The following ROR2 variants were observed in gnomAD, a reference collection of about 807,000 sequenced individuals.
The protein encoded by ROR2 is tyrosine-protein kinase transmembrane receptor ROR2.
In ROR2, 33 loss-of-function variants were observed where a neutral mutation model predicts 74.9. The ratio of observed to expected loss-of-function variants is 0.44; its 90% confidence interval spans 0.33 to 0.59. ROR2 has a LOEUF of 0.59. ROR2 is among the 20% of genes least tolerant of loss of function. ROR2 has a pLI of 0.02. For missense variants in ROR2, 1,216 were observed against 1,313.8 expected (o/e 0.93, Z 1.15); for synonymous variants, 586 against 558.7 (o/e 1.05, Z -0.69).
chr9:91,765,364 T>C, intron 2 of ROR2, among the ~76,000 whole-genome samples: 1 of 152,226 alleles, frequency 6.6e-6, no homozygotes, highest in East Asian at 1.9e-4. Flanking sequence ...CTTTCATCTT[T>C]AATCCTTCTG....
At chr9:91,920,294 C>A (rs1831230849) in intron 1 of ROR2, among the ~76,000 whole-genome samples, 1 of 152,024 alleles carries the variant, frequency 6.6e-6, no homozygotes. Context: ...TCACTAGAGC[C>A]CAGGAGTTAA....
At chr9:91,823,902 C>A (rs1369132549) in intron 1 of ROR2, among the ~76,000 whole-genome samples, 1 of 152,238 alleles carries the variant, frequency 6.6e-6, no homozygotes, top group Non-Finnish European at 1.5e-5. Flanking sequence ...AATACACAAT[C>A]TCTGCCGGAT....
At chr9:91,901,526 G>A (rs1041259865) in intron 1 of ROR2, among the ~76,000 whole-genome samples, 2 of 152,074 alleles carry the variant, frequency 1.3e-5, no homozygotes, top group African/African-American at 4.8e-5. Flanking sequence ...AAAAATAAAA[G>A]TGCTCTGGGA....
At position 91,724,634 on chromosome 9, in the gene ROR2, A is replaced by G. The variant is rs530761262; in HGVS notation, c.1860T>C (p.Asn620=). The G allele has an allele frequency of 2.2e-4, 354 of 1,614,192 alleles. 10 individuals carry two copies. The South Asian group carries it at 3.6e-3, about 17-fold the overall frequency. The change falls in exon 9 of 9, where the codon AAT becomes AAC. Residue 620 remains asparagine (N), a synonymous_variant. Transcript: ENST00000375708. ...CGTTCAGCTTGTCGTACACTAGCAC[A>G]TTGCGGGTGGCCAGGTCCTTGTGAA... ...HVVHKDLATR[N]VLVYDKLNVK... is the part of the protein sequence containing the mutation.
At chr9:91,816,624 G>A (rs73513297) in intron 1 of ROR2, among the ~76,000 whole-genome samples, 3,029 of 150,460 alleles carry the variant, frequency 0.02, 102 homozygotes, top group African/African-American at 0.07. Flanking sequence ...ACAGCTCCCC[G>A]CTGTGGTATG....
chr9:91,851,925 G>A (rs1262368553), intron 1 of ROR2, among the ~76,000 whole-genome samples: 3 of 150,354 alleles, frequency 2.0e-5, no homozygotes, highest in Admixed American at 6.6e-5. Context: ...GCAGTGAGCC[G>A]AGATGGCACC....
intron 4 of ROR2, among the ~76,000 whole-genome samples, chr9:91,746,891 G>T (rs913302721): frequency 1.9e-4 from 28 of 143,906 alleles, no homozygotes; most frequent in African/African-American, 6.6e-4. Context: ...TGTGTGTGTA[G>T]CACAATATGC....
At chr9:91,930,428 T>C (rs1231909308) in intron 1 of ROR2, among the ~76,000 whole-genome samples, 1 of 152,144 alleles carries the variant, frequency 6.6e-6, no homozygotes, top group Non-Finnish European at 1.5e-5. Context: ...CTGCAGCCAA[T>C]AGGAGAAGGA....
chr9:91,945,803 A>G (rs1254438075), intron 1 of ROR2, among the ~76,000 whole-genome samples: 1 of 152,236 alleles, frequency 6.6e-6, no homozygotes, highest in Non-Finnish European at 1.5e-5. Context: ...TAAACAGATT[A>G]CACCCCAGAC....
chr9:91,897,382 G>A (rs1830561677), intron 1 of ROR2, among the ~76,000 whole-genome samples: 1 of 152,240 alleles, frequency 6.6e-6, no homozygotes. Context: ...CAGGTCTTCT[G>A]GCATGTTCTC....
intron 1 of ROR2, among the ~76,000 whole-genome samples, chr9:91,858,551 G>A (rs577968091): frequency 6.6e-6 from 1 of 152,148 alleles, no homozygotes; most frequent in South Asian, 2.1e-4. Context: ...GGTGGGGCCA[G>A]GCATTGTGTA....
intron 1 of ROR2, among the ~76,000 whole-genome samples, chr9:91,790,831 T>C (rs1310648635): frequency 1.3e-5 from 2 of 152,188 alleles, no homozygotes; most frequent in Admixed American, 6.5e-5. Flanking sequence ...TAGGCTAATG[T>C]GTGTGTTTGT....
At chr9:91,741,812 G>A (rs1825258033) in intron 4 of ROR2, among the ~76,000 whole-genome samples, 1 of 152,196 alleles carries the variant, frequency 6.6e-6, no homozygotes, top group South Asian at 2.1e-4. Flanking sequence ...AGCATTGGGT[G>A]CTCTGACAGT....
intron 1 of ROR2, among the ~76,000 whole-genome samples, chr9:91,921,830 C>T (rs1455940704): frequency 2.0e-5 from 3 of 148,198 alleles, no homozygotes; most frequent in Non-Finnish European, 4.4e-5. Flanking sequence ...CACTGCACTC[C>T]AGCCTGGGCA....
chr9:91,937,275 T>C (rs1831724781), intron 1 of ROR2, among the ~76,000 whole-genome samples: 1 of 152,104 alleles, frequency 6.6e-6, no homozygotes, highest in Non-Finnish European at 1.5e-5. Flanking sequence ...GCTTTCATGA[T>C]CATTTTAAAA....
chr9:91,738,510 C>A (rs1825111696), intron 4 of ROR2, among the ~76,000 whole-genome samples: 1 of 152,214 alleles, frequency 6.6e-6, no homozygotes, highest in African/African-American at 2.4e-5. Flanking sequence ...GACATTATGG[C>A]AATGCCCCTG....
chr9:91,918,097 C>T (rs1831180605), intron 1 of ROR2, among the ~76,000 whole-genome samples: 1 of 152,082 alleles, frequency 6.6e-6, no homozygotes. Flanking sequence ...AGGTGAAACC[C>T]CGTCTCTACT....
chr9:91,887,898 T>C, intron 1 of ROR2, among the ~76,000 whole-genome samples: 1 of 144,998 alleles, frequency 6.9e-6, no homozygotes, highest in Admixed American at 7.3e-5. Flanking sequence ...TTGAAGCAAT[T>C]CTCCTGCCTC....
Position 91,733,222 on chromosome 9 carries a change from C to A in ROR2, c.837G>T (p.Met279Ile). ...CCTCACACTTGGGCAGCTGAAGCCGCATGAGGATGAGCGGGTTGGAGCGGG... is the reference window on the plus strand; with the variant it reads ...CCTCACACTTGGGCAGCTGAAGCCGAATGAGGATGAGCGGGTTGGAGCGGG... ...TIARSNPLILMRLQLPKCEAL... is the reference protein window; with the variant it reads ...TIARSNPLILIRLQLPKCEAL... Residue 279 changes from methionine (M) to isoleucine (I), a missense_variant, in exon 6 of 9, where the codon ATG becomes ATT. Physicochemically the swap from Met to Ile is conservative, Grantham distance 10. Coordinates refer to ENST00000375708, the MANE Select transcript of ROR2 (RefSeq NM_004560.4). This position sits in a 1 kb window ranked among gnomAD's most constrained non-coding sequence, Gnocchi z 5.7. The A allele has an allele frequency of 1.2e-6, 2 of 1,612,568 alleles. No individual in the cohort carries two copies. Among genetic ancestry groups the A allele is most frequent in the African/African-American group, 1.3e-5 (1 of 75,048 alleles).
Sources: allele counts gnomAD v4.1 joint callset (sites outside exome capture counted in the v4.1 genomes callset), GRCh38; gene constraint gnomAD v4.1.1; non-coding constraint Gnocchi (gnomAD v3.1); transcripts MANE v1.5; gene names NCBI Gene and HGNC (gene_info 2026-07-23, HGNC 2026-07-21).